CDH13: variants seen among roughly 807,000 people sequenced by gnomAD.
The protein encoded by CDH13 is cadherin 13, also known as cadherin-13.
CDH13 carries 24 observed loss-of-function variants against 63.8 expected under a neutral mutation model. That is an observed-to-expected ratio of 0.38 (90% CI 0.27 to 0.53). CDH13 has a LOEUF of 0.53. CDH13 is among the 20% of genes least tolerant of loss of function. The probability of loss-of-function intolerance (pLI) is 0.85; values close to 1 mark genes in which losing one functional copy is unlikely to be tolerated. For synonymous variants in CDH13, 503 were observed against 355.3 expected, an observed-to-expected ratio of 1.42 and a Z score of -4.67; for missense variants, 1,049 against 903.1, an observed-to-expected ratio of 1.16 and a Z score of -2.07.
chr16:82,982,492 C>G (rs937853087), intron 2 of CDH13, among the ~76,000 whole-genome samples: 1 of 152,146 alleles, frequency 6.6e-6, no homozygotes, highest in African/African-American at 2.4e-5. Flanking sequence ...TGCCTTTTTC[C>G]TGTATCCCTT....
chr16:83,290,258 T>C (rs2089434181), intron 5 of CDH13, among the ~76,000 whole-genome samples: 1 of 152,208 alleles, frequency 6.6e-6, no homozygotes, highest in Non-Finnish European at 1.5e-5. Context: ...GGATCTCTTT[T>C]CAAACAATTC....
At chr16:82,966,200 G>T (rs1232193340) in intron 2 of CDH13, among the ~76,000 whole-genome samples, 2 of 152,336 alleles carry the variant, frequency 1.3e-5, no homozygotes, top group East Asian at 3.9e-4. Flanking sequence ...CCAGGCTGGA[G>T]TGCAGTGGTG....
intron 5 of CDH13, among the ~76,000 whole-genome samples, chr16:83,238,038 T>C (rs1904278153): frequency 6.6e-6 from 1 of 152,136 alleles, no homozygotes; most frequent in African/African-American, 2.4e-5. Flanking sequence ...CTGCACTGGG[T>C]TTCCCTTGGA....
chr16:83,184,882 C>CGT (rs71272419), intron 4 of CDH13, among the ~76,000 whole-genome samples: 6,750 of 145,310 alleles, frequency 0.046, 304 homozygotes, highest in African/African-American at 0.12. Context: ...ATGTCTAAGC[C>CGT]GTGTGTGTGT....
intron 4 of CDH13, among the ~76,000 whole-genome samples, chr16:83,193,997 G>A (rs996019753): frequency 7.2e-5 from 11 of 152,300 alleles, no homozygotes; most frequent in Admixed American, 2.6e-4. Context: ...GGAAGAGTCC[G>A]ATGTTTTCAT....
intron 1 of CDH13, among the ~76,000 whole-genome samples, chr16:82,678,742 T>A (rs1318803346): frequency 6.6e-6 from 1 of 152,240 alleles, no homozygotes; most frequent in African/African-American, 2.4e-5. Flanking sequence ...TACAGTTATC[T>A]TCTTAAAGAT....
At position 82,627,129 on chromosome 16, in the gene CDH13, C is replaced by G; in HGVS notation, c.37C>G (p.Leu13Val). The G allele has an allele frequency of 6.2e-7, 1 of 1,607,248 alleles. No individual in the cohort carries two copies. Among genetic ancestry groups the G allele is most frequent in the Non-Finnish European group, 8.5e-7 (1 of 1,177,202 alleles). The change falls in exon 1 of 14, where the codon CTG (leucine) becomes GTG (valine). Residue 13 changes from leucine (L) to valine (V), a missense_variant. Physicochemically the swap from Leu to Val is conservative, Grantham distance 32. Coordinates refer to ENST00000567109, the MANE Select transcript of CDH13 (RefSeq NM_001257.5). ...PRTPLVLCVL[L>V]SQVLLLTSAE... ...AACTCCGCTCGTTCTGTGCGTTCTC[C>G]TGTCCCAGGTAGGGAAGAGGGGCTG... is the stretch of plus-strand genomic sequence containing the variant.
chr16:83,795,024 T>C lies in CDH13; in HGVS notation c.2136T>C (p.Cys712=), dbSNP rs373367378. Residue 712 remains cysteine, a splice_region_variant and synonymous_variant, in exon 14 of 14, where the codon TGT becomes TGC. Coordinates refer to ENST00000567109, the MANE Select transcript of CDH13 (RefSeq NM_001257.5). ...VLLLSLFSLA[C]L ...TAACTCTGAACCCTCTCTATTCAGG[T>C]CTGTGAGAACTCCTGACGTCTGAAG... The C allele has an allele frequency of 1.7e-4, 270 of 1,594,820 alleles. No homozygotes were observed. The highest frequency in any genetic ancestry group is 2.3e-4 in the Non-Finnish European group (266 of 1,170,214).
At chr16:82,873,161 C>G (rs1293573202) in intron 2 of CDH13, among the ~76,000 whole-genome samples, 2 of 152,138 alleles carry the variant, frequency 1.3e-5, no homozygotes, top group Non-Finnish European at 2.9e-5. Flanking sequence ...GGTATAAACA[C>G]TTAGGCTGAG....
At chr16:82,666,918 A>G (rs777024456) in intron 1 of CDH13, among the ~76,000 whole-genome samples, 1 of 152,146 alleles carries the variant, frequency 6.6e-6, no homozygotes, top group Non-Finnish European at 1.5e-5. Context: ...CAACAGAGAA[A>G]TGATGTAAAA....
chr16:82,881,326 G>A (rs1283717393), intron 2 of CDH13, among the ~76,000 whole-genome samples: 1 of 152,098 alleles, frequency 6.6e-6, no homozygotes, highest in Non-Finnish European at 1.5e-5. Context: ...TTATTAGGGA[G>A]TATTCTGGGG....
intron 4 of CDH13, among the ~76,000 whole-genome samples, chr16:83,152,454 C>T (rs2037025506): frequency 6.6e-6 from 1 of 152,144 alleles, no homozygotes; most frequent in South Asian, 2.1e-4. Context: ...CGTGTGTATT[C>T]ACCAAAATGT....
chr16:82,967,898 C>G (rs936427954), intron 2 of CDH13, among the ~76,000 whole-genome samples: 3 of 152,152 alleles, frequency 2.0e-5, no homozygotes, highest in South Asian at 2.1e-4. Context: ...GGAGATATTT[C>G]CAGACTACAC....
intron 7 of CDH13, among the ~76,000 whole-genome samples, chr16:83,525,408 G>A (rs2074939248): frequency 6.6e-6 from 1 of 152,204 alleles, no homozygotes. Context: ...TTAAAAAGTG[G>A]TGAAGCTGGA....
At chr16:83,093,930 G>T (rs543879018) in intron 3 of CDH13, among the ~76,000 whole-genome samples, 1 of 152,194 alleles carries the variant, frequency 6.6e-6, no homozygotes, top group Non-Finnish European at 1.5e-5. Context: ...ACCTGAAAAG[G>T]TTAAGCAAGC....
At chr16:83,378,420 T>C (rs541344101) in intron 6 of CDH13, among the ~76,000 whole-genome samples, 2 of 152,316 alleles carry the variant, frequency 1.3e-5, no homozygotes, top group Admixed American at 1.3e-4. Context: ...GTATCAGCTC[T>C]CATCGGGACA....
At chr16:83,552,563 G>C (rs2075525312) in intron 7 of CDH13, among the ~76,000 whole-genome samples, 1 of 152,160 alleles carries the variant, frequency 6.6e-6, no homozygotes, top group African/African-American at 2.4e-5. Flanking sequence ...CACTGAAAGT[G>C]CAAATTACTT....
At chr16:83,581,894 T>C (rs953323414) in intron 7 of CDH13, among the ~76,000 whole-genome samples, 1 of 152,196 alleles carries the variant, frequency 6.6e-6, no homozygotes, top group Non-Finnish European at 1.5e-5. Flanking sequence ...TTTCATCTCC[T>C]CCTTAGCACA....
Position 83,254,957 on chromosome 16 carries a change from TTCTTTCTTTCTTTC to T in CDH13, c.636+37462_636+37475del, listed in dbSNP as rs1906049600. Reference sequence around the variant, plus strand: ...TTGGATTTTTTCTTTTTCTCTTTCTTTCTTTCTTTCTTTCTTTCTTTCTTTCTTTCTTTCTTTCT... The same window carrying T: ...TTGGATTTTTTCTTTTTCTCTTTCTTTTTCTTTCTTTCTTTCTTTCTTTCT... On this transcript the variant is annotated intron_variant, in intron 5 of 13. Coordinates refer to ENST00000567109, the MANE Select transcript of CDH13 (RefSeq NM_001257.5). Among the ~76,000 whole-genome samples the T allele has an allele frequency of 8.3e-4, 3 of 3,608 alleles. No individual in the cohort carries two copies. The South Asian group carries it at 0.075, about 90-fold the overall frequency. The allele number at this position is 3,608 out of a possible 152,430, so 2.4% of individuals were successfully genotyped here. A position where few individuals can be genotyped will look rare whatever the true frequency, so the allele number is the denominator to read the frequency against.
Sources: gnomAD v4.1 joint callset for allele counts (sites outside exome capture counted in the v4.1 genomes callset) on GRCh38, gnomAD v4.1.1 for gene constraint, MANE v1.5 for transcripts, NCBI Gene and HGNC (gene_info 2026-07-23, HGNC 2026-07-21) for gene names.